The following RHD variants were observed in gnomAD, a reference collection of about 807,000 sequenced individuals.
The protein encoded by RHD is blood group Rh(D) polypeptide.
A neutral mutation model predicts 45.5 loss-of-function variants in RHD; 16 were observed. The ratio of observed to expected loss-of-function variants is 0.35; its 90% CI spans 0.24 to 0.53. RHD has a LOEUF of 0.53. Among genes scored for constraint, RHD ranks in the 20% least tolerant of loss-of-function variants. The probability of loss-of-function intolerance (pLI) is 0.92; values close to 1 mark genes in which losing one functional copy is unlikely to be tolerated. For synonymous variants in RHD, 131 were observed against 217.5 expected (o/e 0.60, Z 3.50); for missense variants, 306 against 532.0 (o/e 0.58, Z 4.18).
At position 25,272,601 on chromosome 1, in the gene RHD, A is replaced by G; in HGVS notation, c.54A>G (p.Leu18=). Residue 18 remains leucine (L), a synonymous_variant, in exon 1 of 10, where the codon CTA becomes CTG. Transcript: ENST00000328664. ...SVRRCLPLWA[L]TLEAALILLF... ...GGCGCTGCCTGCCCCTCTGGGCCCT[A>G]ACACTGGAAGCAGCTCTCATTCTCC... 6.3e-7 allele frequency: 1 copy of G among 1,582,526 alleles called. No individual in the cohort carries two copies. Among genetic ancestry groups the G allele is most frequent in the South Asian group, 1.1e-5 (1 of 90,592 alleles).
intron 2 of RHD, among the ~76,000 whole-genome samples, chr1:25,289,447 G>T (rs1642311769): frequency 7.6e-6 from 1 of 131,706 alleles, no homozygotes; most frequent in Non-Finnish European, 1.8e-5. Context: ...CACCTGCCTT[G>T]GCCTCCCAAA....
chr1:25,320,870 T>C (rs111998205), intron 8 of RHD, among the ~76,000 whole-genome samples: 2 of 130,306 alleles, frequency 1.5e-5, no homozygotes, highest in African/African-American at 2.6e-5. Flanking sequence ...GGCTAAGTCC[T>C]GTCTCTGCAA....
rs750823240 is a variant in RHD at position 25,273,302 on chromosome 1, A to ATTTTTTTT, written c.148+620_148+627dup. ...AGGAGGGCACCACCATGCCTGGCTA[A>ATTTTTTTT]TTTTTTTTTTTTTTTTTTTTGGTAG... On this transcript the variant is annotated intron_variant, in intron 1 of 9. Coordinates refer to ENST00000328664, the MANE Select transcript of RHD (RefSeq NM_016124.6). 3.4e-4 allele frequency among the ~76,000 whole-genome samples: 33 copies of ATTTTTTTT among 97,766 alleles called. 2 individuals are homozygous for ATTTTTTTT. Among genetic ancestry groups the ATTTTTTTT allele is most frequent in the African/African-American group, 1.1e-3 (31 of 27,052 alleles). 64.1% of individuals were successfully genotyped at this position (97,766 alleles called of 152,430 possible). A position where few individuals can be genotyped will look rare whatever the true frequency, so the allele number is the denominator to read the frequency against.
chr1:25,314,801 G>A (rs1228796299), intron 7 of RHD, among the ~76,000 whole-genome samples: 1 of 131,844 alleles, frequency 7.6e-6, no homozygotes, highest in East Asian at 2.0e-4. Flanking sequence ...ACCATGCCCA[G>A]CCCACCTTTT....
intron 4 of RHD, 60 bp downstream of exon 4, chr1:25,301,153 G>C (rs1489067933): frequency 7.6e-7 from 1 of 1,320,458 alleles, no homozygotes; most frequent in East Asian, 2.2e-5. Context: ...GCTCAGAAAA[G>C]GCTCTGGCTG....
At chr1:25,301,251 CAT>C (rs201030739) in intron 4 of RHD, among the ~76,000 whole-genome samples, 158 bp downstream of exon 4, 1,732 of 131,300 alleles carry the variant, frequency 0.013, 273 homozygotes, top group African/African-American at 0.043. Context: ...TTGCTAAATT[CAT>C]ACCTTTGAAT....
At position 25,311,481 on chromosome 1, in the gene RHD, C is replaced by T. The variant is rs183819586; in HGVS notation, c.1073+4752C>T. On this transcript the variant is annotated intron_variant, in intron 7 of 9. Coordinates refer to ENST00000328664, the MANE Select transcript of RHD (RefSeq NM_016124.6). Reference sequence around the variant, plus strand: ...CAGAGCTTGCAGTGAGCCAAGATCGCGCCACTGCACTCCAGCCTGGGCGAC... The same window carrying T: ...CAGAGCTTGCAGTGAGCCAAGATCGTGCCACTGCACTCCAGCCTGGGCGAC... Among the ~76,000 whole-genome samples, 229 of 128,618 alleles carry T rather than the reference C, an allele frequency of 1.8e-3. 51 individuals carry two copies. The highest frequency in any genetic ancestry group is 5.0e-4 in the Non-Finnish European group (27 of 54,382). 84.4% of individuals were successfully genotyped at this position (128,618 alleles called of 152,430 possible).
rs556882093 is a variant in RHD at position 25,290,493 on chromosome 1, G to T, written c.336-148G>T. On this transcript the variant is annotated intron_variant, in intron 2 of 9. Transcript: ENST00000328664. ...TCCACTCTGCAGCATCAGCGCCCAG[G>T]TGGGTAGAAATCTTGTCTTCTATTC... The T allele has an allele frequency of 7.0e-4, 520 of 744,612 alleles. 72 individuals carry two copies. The highest frequency in any genetic ancestry group is 6.7e-3 in the African/African-American group (387 of 57,944). 46.1% of individuals were successfully genotyped at this position (744,612 alleles called of 1,614,324 possible). A position where few individuals can be genotyped will look rare whatever the true frequency, so the allele number is the denominator to read the frequency against.
intron 7 of RHD, among the ~76,000 whole-genome samples, chr1:25,316,089 G>C (rs1402673009): frequency 7.6e-6 from 1 of 131,062 alleles, no homozygotes; most frequent in Non-Finnish European, 1.8e-5. Flanking sequence ...TGCAGTGAAC[G>C]GGCTGGCAGT....
At chr1:25,294,505 G>A in intron 3 of RHD, 1 of 697,538 alleles carries the variant, frequency 1.4e-6, no homozygotes, top group Non-Finnish European at 2.6e-6. Context: ...TGTATGTGCT[G>A]CACTCCACAC....
At chr1:25,320,461 C>G (rs974327748) in intron 8 of RHD, among the ~76,000 whole-genome samples, 3 of 132,008 alleles carry the variant, frequency 2.3e-5, no homozygotes, top group Admixed American at 7.4e-5. Flanking sequence ...CGCCAGAGAT[C>G]GTTACTGAGT....
chr1:25,276,532 T>TAAAAAAAAAAAAAAAAAAAAAAAAAAAAA (rs557746335), intron 1 of RHD, among the ~76,000 whole-genome samples: 1 of 64,786 alleles, frequency 1.5e-5, no homozygotes, highest in African/African-American at 7.2e-5. Flanking sequence ...CCCCCATCTC[T>TAAAAAAAAAAAAAAAAAAAAAAAAAAAAA]AAAAAAAAAA....
chr1:25,285,906 A>G (rs544568771), intron 2 of RHD, among the ~76,000 whole-genome samples: 3 of 134,526 alleles, frequency 2.2e-5, no homozygotes, highest in Admixed American at 7.1e-5. Flanking sequence ...ACCTCTGGGC[A>G]CTGCTGTTAA....
rs139882501 is a variant in RHD, at chr1:25,305,623, C to T, written c.940-973C>T. On this transcript the variant is annotated intron_variant, in intron 6 of 9. Coordinates refer to ENST00000328664, the MANE Select transcript of RHD (RefSeq NM_016124.6). ...GTTGTTGTTGTTGTTGTTGTTGAGACGGTGTCTCGCTCTTTTGCCCAGGCT... is the reference window on the plus strand; with the variant it reads ...GTTGTTGTTGTTGTTGTTGTTGAGATGGTGTCTCGCTCTTTTGCCCAGGCT... Among the ~76,000 whole-genome samples the T allele has an allele frequency of 2.2e-3, 268 of 124,398 alleles. 31 individuals carry two copies. Among genetic ancestry groups the T allele is most frequent in the African/African-American group, 7.1e-3 (250 of 35,410 alleles). 81.6% of individuals were successfully genotyped at this position (124,398 alleles called of 152,430 possible).
At chr1:25,318,299 A>G (rs1194233526) in intron 8 of RHD, 1 of 131,424 alleles carries the variant, frequency 7.6e-6, no homozygotes. Flanking sequence ...AAGAAAATAC[A>G]CATTCAGGCC....
chr1:25,318,842 A>G (rs1443336925), intron 8 of RHD, among the ~76,000 whole-genome samples: 2 of 132,522 alleles, frequency 1.5e-5, no homozygotes, highest in East Asian at 3.9e-4. Flanking sequence ...CAGCTTTAAC[A>G]AACTGTATGG....
intron 5 of RHD, among the ~76,000 whole-genome samples, chr1:25,302,304 G>A (rs1643449023): frequency 7.7e-6 from 1 of 129,440 alleles, no homozygotes; most frequent in Non-Finnish European, 1.8e-5. Context: ...GACAAAACAA[G>A]TTCTCATGAT....
Position 25,298,714 on chromosome 1 carries a change from A to G in RHD, c.487-2232A>G, listed in dbSNP as rs995654905. On this transcript the variant is annotated intron_variant, in intron 3 of 9. Coordinates refer to ENST00000328664, the MANE Select transcript of RHD (RefSeq NM_016124.6). ...AATATTTATTTGGTATTTACTATAT[A>G]CCAGGGACTCTTGTGGCAGTGGAAA... is the stretch of plus-strand genomic sequence containing the variant. Among the ~76,000 whole-genome samples, 10 of 131,596 alleles carry G rather than the reference A, an allele frequency of 7.6e-5. 2 individuals carry two copies. The highest frequency in any genetic ancestry group is 2.6e-4 in the African/African-American group (10 of 38,224). 86.3% of individuals were successfully genotyped at this position (131,596 alleles called of 152,430 possible).
intron 1 of RHD, among the ~76,000 whole-genome samples, chr1:25,282,606 A>G (rs1422621748): frequency 7.6e-6 from 1 of 132,340 alleles, no homozygotes; most frequent in African/African-American, 2.6e-5. Context: ...CTCAAAACCT[A>G]TGCTTCCCCT....
Sources: allele counts gnomAD v4.1 joint callset (sites outside exome capture counted in the v4.1 genomes callset), GRCh38; gene constraint gnomAD v4.1.1; transcripts MANE v1.5; gene names NCBI Gene and HGNC (gene_info 2026-07-23, HGNC 2026-07-21).